SLC15A4: variants seen among roughly 807,000 people sequenced by gnomAD.
SLC15A4 encodes solute carrier family 15 member 4.
A neutral mutation model predicts 46.1 loss-of-function variants in SLC15A4; 26 were observed. That is an observed-to-expected ratio of 0.56 (90% CI 0.41 to 0.78). The LOEUF (loss-of-function observed/expected upper bound fraction) is 0.78. SLC15A4 is among the 30% of genes least tolerant of loss of function. SLC15A4 has a pLI of 0.00. For missense variants in SLC15A4, 751 were observed against 755.7 expected (o/e 0.99, Z 0.07); for synonymous variants, 370 against 333.4 (o/e 1.11, Z -1.20).
intron 2 of SLC15A4, chr12:128,813,096 T>A (rs1404119061): frequency 6.6e-6 from 1 of 152,088 alleles, no homozygotes; most frequent in Non-Finnish European, 1.5e-5. Flanking sequence ...GGGTTGTTCC[T>A]GAAAAAGACC....
At chr12:128,804,282 C>T (rs1955552960) in intron 5 of SLC15A4, among the ~76,000 whole-genome samples, 1 of 152,032 alleles carries the variant, frequency 6.6e-6, no homozygotes, top group South Asian at 2.1e-4. Context: ...AGTCTTAGAT[C>T]AAAAAGAAAA....
At chr12:128,821,210 C>G (rs1955831590) in intron 1 of SLC15A4, among the ~76,000 whole-genome samples, 1 of 152,216 alleles carries the variant, frequency 6.6e-6, no homozygotes, top group Non-Finnish European at 1.5e-5. Context: ...GGGAGACAAC[C>G]TGCCAGTACT....
intron 5 of SLC15A4, chr12:128,801,312 C>T (rs1253622205): frequency 9.0e-6 from 2 of 223,032 alleles, no homozygotes; most frequent in Non-Finnish European, 8.9e-6. Context: ...ACCCATACCT[C>T]GTTTGTCTCT....
chr12:128,797,248 C>T (rs1187775451), intron 7 of SLC15A4, among the ~76,000 whole-genome samples: 1 of 151,806 alleles, frequency 6.6e-6, no homozygotes, highest in East Asian at 1.9e-4. Flanking sequence ...CGTGACGGCT[C>T]GTACGAAGGA....
chr12:128,818,882 G>A (rs1955794744), intron 1 of SLC15A4, among the ~76,000 whole-genome samples: 1 of 152,050 alleles, frequency 6.6e-6, no homozygotes. Flanking sequence ...TTATGTGTCT[G>A]GCTTCCTTCA....
At chr12:128,816,304 C>T (rs568646614) in intron 1 of SLC15A4, among the ~76,000 whole-genome samples, 1 of 152,308 alleles carries the variant, frequency 6.6e-6, no homozygotes, top group South Asian at 2.1e-4. Context: ...CTGTACTAGA[C>T]AGAGACATTT....
At position 128,820,378 on chromosome 12, in the gene SLC15A4, G is replaced by A. The variant is rs143198071; in HGVS notation, c.546+3020C>T. On this transcript the variant is annotated intron_variant, in intron 1 of 7. Transcript: ENST00000266771. ...AGTAAAGTGGATCTAAGACTCCTGT[G>A]AGGTTCAGATTTCGTCACATATGTA... 2.6e-4 allele frequency among the ~76,000 whole-genome samples: 40 copies of A among 152,330 alleles called. No homozygotes were observed. The East Asian group carries it at 7.1e-3, about 27-fold the overall frequency.
At position 128,808,906 on chromosome 12, in the gene SLC15A4, G is replaced by A; in HGVS notation, c.1140C>T (p.Leu380=). ...TMFDAVLILL[L]IPLKDKLVDP... Reference sequence around the variant, plus strand: ...CGACCAGTTTGTCCTTCAGAGGGATGAGCAGGAGGATGAGCACAGCATCAA... The same window carrying A: ...CGACCAGTTTGTCCTTCAGAGGGATAAGCAGGAGGATGAGCACAGCATCAA... Residue 380 remains leucine, a synonymous_variant, in exon 5 of 8, where the codon CTC becomes CTT. Coordinates refer to ENST00000266771, the MANE Select transcript of SLC15A4 (RefSeq NM_145648.4). 6.2e-7 allele frequency: 1 copy of A among 1,614,248 alleles called. No individual in the cohort carries two copies. The highest frequency in any genetic ancestry group is 8.5e-7 in the Non-Finnish European group (1 of 1,180,040).
At chr12:128,817,586 C>G (rs1192655682) in intron 1 of SLC15A4, among the ~76,000 whole-genome samples, 1 of 152,166 alleles carries the variant, frequency 6.6e-6, no homozygotes, top group African/African-American at 2.4e-5. Context: ...CTGCACATAT[C>G]TTCCCACAGT....
intron 3 of SLC15A4, chr12:128,809,675 C>T (rs1955630668): frequency 9.2e-6 from 5 of 543,422 alleles, no homozygotes; most frequent in Admixed American, 3.7e-5. Flanking sequence ...AAAAGAATGG[C>T]CAGTTATCCA....
chr12:128,800,512 T>C (rs977871450), intron 6 of SLC15A4, among the ~76,000 whole-genome samples: 1 of 152,254 alleles, frequency 6.6e-6, no homozygotes, highest in African/African-American at 2.4e-5. Flanking sequence ...CGAAGCGCAC[T>C]GAGAGCTGTG....
intron 1 of SLC15A4, among the ~76,000 whole-genome samples, chr12:128,819,005 TTTC>T (rs1303172719): frequency 6.6e-6 from 1 of 152,208 alleles, no homozygotes; most frequent in Non-Finnish European, 1.5e-5. Context: ...CAGTGAACAT[TTTC>T]TTATCTTTCA....
Position 128,823,823 on chromosome 12 carries a change from G to A in SLC15A4, c.121C>T (p.Leu41=). 2.2e-6 allele frequency: 3 copies of A among 1,377,330 alleles called. No individual in the cohort carries two copies. The highest frequency in any genetic ancestry group is 3.2e-5 in the East Asian group (1 of 31,376). The allele number at this position is 1,377,330 out of a possible 1,614,324, so 85.3% of individuals were successfully genotyped here. Residue 41 remains leucine, a synonymous_variant, in exon 1 of 8, where the codon CTG becomes TTG. Transcript: ENST00000266771. ...GCGCGCTCCAGCAGCTCCGTCAGCAGCACGGCCCCGCACGCCGCGCGCCGG... is the reference window on the plus strand; with the variant it reads ...GCGCGCTCCAGCAGCTCCGTCAGCAACACGGCCCCGCACGCCGCGCGCCGG... The part of the protein sequence containing the change: ...AGRRAACGAV[L]LTELLERAAF...
At chr12:128,816,919 T>G (rs1955760964) in intron 1 of SLC15A4, among the ~76,000 whole-genome samples, 2 of 152,220 alleles carry the variant, frequency 1.3e-5, no homozygotes, top group East Asian at 3.8e-4. Context: ...TTTTTAAAGA[T>G]TAAATCAGAG....
chr12:128,806,309 G>T (rs570247704), intron 5 of SLC15A4, among the ~76,000 whole-genome samples: 185 of 152,088 alleles, frequency 1.2e-3, no homozygotes, highest in African/African-American at 4.3e-3. Context: ...TAAATTTTGG[G>T]AAAGAATCTT....
chr12:128,809,351 A>AT (rs761665679), intron 4 of SLC15A4, 45 bp downstream of exon 4: 1 of 1,275,542 alleles, frequency 7.8e-7, no homozygotes. Flanking sequence ...CATTTATTAC[A>AT]TAAGTCCAAA....
intron 5 of SLC15A4, among the ~76,000 whole-genome samples, chr12:128,805,903 C>G (rs1457321281): frequency 6.6e-6 from 1 of 151,896 alleles, no homozygotes; most frequent in Admixed American, 6.6e-5. Context: ...AAAACCTGGC[C>G]GGGTGTGGTG....
At chr12:128,799,464 A>C in intron 6 of SLC15A4, 47 bp from the exon 7 acceptor site, 2 of 1,605,170 alleles carry the variant, frequency 1.2e-6, no homozygotes, top group Non-Finnish European at 1.7e-6. Flanking sequence ...GGGCACTTTA[A>C]CACATGGGAT....
intron 5 of SLC15A4, among the ~76,000 whole-genome samples, chr12:128,806,276 C>G (rs993044085): frequency 6.6e-6 from 1 of 151,718 alleles, no homozygotes; most frequent in African/African-American, 2.4e-5. Flanking sequence ...TAAACCATGA[C>G]CCACCTAAGA....
Sources: allele counts gnomAD v4.1 joint callset (sites outside exome capture counted in the v4.1 genomes callset), GRCh38; gene constraint gnomAD v4.1.1; transcripts MANE v1.5; gene names NCBI Gene and HGNC (gene_info 2026-07-23, HGNC 2026-07-21).